The following ST6GALNAC5 variants were observed in gnomAD, a reference collection of about 807,000 sequenced individuals.
ST6GALNAC5 encodes the protein ST6 N-acetylgalactosaminide alpha-2,6-sialyltransferase 5.
In ST6GALNAC5, 27 loss-of-function variants were observed where a neutral mutation model predicts 33.6. The ratio of observed to expected loss-of-function variants is 0.80; its 90% CI spans 0.59 to 1.11. The LOEUF is 1.11. ST6GALNAC5 is among the 50% of genes least tolerant of loss of function. The probability of loss-of-function intolerance (pLI) is 0.00; values close to 1 mark genes in which losing one functional copy is unlikely to be tolerated. For missense variants in ST6GALNAC5, 428 were observed against 454.0 expected, an observed-to-expected ratio of 0.94 and a Z score of 0.52; for synonymous variants, 194 against 171.2, an observed-to-expected ratio of 1.13 and a Z score of -1.04.
chr1:76,941,842 A>G (rs1173383845), intron 2 of ST6GALNAC5, among the ~76,000 whole-genome samples: 1 of 152,120 alleles, frequency 6.6e-6, no homozygotes, highest in African/African-American at 2.4e-5. Context: ...CCCTCGTCTT[A>G]AGCCACCAGG....
chr1:76,912,943 G>C (rs1179079603), intron 2 of ST6GALNAC5, among the ~76,000 whole-genome samples: 1 of 151,394 alleles, frequency 6.6e-6, no homozygotes, highest in African/African-American at 2.4e-5. Context: ...TGTTATGTGT[G>C]AATTTGATCC....
intron 2 of ST6GALNAC5, among the ~76,000 whole-genome samples, chr1:77,043,637 G>A (rs752264868): frequency 7.9e-5 from 12 of 152,204 alleles, no homozygotes; most frequent in Non-Finnish European, 1.3e-4. Context: ...CTTAGATGAT[G>A]TGTATTTGGT....
rs1651927707 is a variant in ST6GALNAC5 at position 77,044,255 on chromosome 1, C to T, written c.313C>T (p.Leu105=). 2 of 1,613,812 alleles carry T rather than the reference C, an allele frequency of 1.2e-6. No homozygotes were observed. Among genetic ancestry groups the T allele is most frequent in the Non-Finnish European group, 1.7e-6 (2 of 1,179,942 alleles). ...DCALVTSSGH[L]LHSRQGSQID... is the part of the protein sequence containing the mutation. The stretch of plus-strand genomic sequence containing the variant: ...TGCCCTGGTGACCAGCTCAGGGCAT[C>T]TGCTGCACAGTCGGCAAGGCTCCCA... Residue 105 remains leucine, a synonymous_variant, in exon 3 of 5, where the codon CTG becomes TTG. Coordinates refer to ENST00000477717, the MANE Select transcript of ST6GALNAC5 (RefSeq NM_030965.3).
intron 2 of ST6GALNAC5, among the ~76,000 whole-genome samples, chr1:76,916,362 C>G (rs1465821356): frequency 6.6e-6 from 1 of 152,120 alleles, no homozygotes; most frequent in African/African-American, 2.4e-5. Context: ...TTCTTGTTTT[C>G]TCTTTAATTC....
intron 2 of ST6GALNAC5, among the ~76,000 whole-genome samples, chr1:76,967,920 A>G (rs1180021351): frequency 2.0e-5 from 3 of 152,134 alleles, no homozygotes; most frequent in African/African-American, 7.2e-5. Flanking sequence ...CCTGAGTTCT[A>G]ATTTGGTTGC....
At chr1:76,927,161 A>G (rs911887077) in intron 2 of ST6GALNAC5, among the ~76,000 whole-genome samples, 9 of 152,102 alleles carry the variant, frequency 5.9e-5, no homozygotes, top group Non-Finnish European at 1.3e-4. Flanking sequence ...TATATATTTT[A>G]ACACCTTCAA....
chr1:76,990,862 G>C (rs1318301367), intron 2 of ST6GALNAC5, among the ~76,000 whole-genome samples: 2 of 152,158 alleles, frequency 1.3e-5, no homozygotes, highest in African/African-American at 4.8e-5. Flanking sequence ...GCAGTAGTTG[G>C]GGATTTATTA....
chr1:76,959,546 G>C (rs1648146055), intron 2 of ST6GALNAC5, among the ~76,000 whole-genome samples: 1 of 152,224 alleles, frequency 6.6e-6, no homozygotes, highest in Non-Finnish European at 1.5e-5. Context: ...CTTTGGCCTT[G>C]TGCAAATGTG....
chr1:76,966,024 T>A (rs965879781), intron 2 of ST6GALNAC5, among the ~76,000 whole-genome samples: 15 of 152,350 alleles, frequency 9.8e-5, no homozygotes, highest in Admixed American at 7.8e-4. Context: ...GTAGTAGAGT[T>A]TGAAGTCAGG....
intron 2 of ST6GALNAC5, among the ~76,000 whole-genome samples, chr1:77,014,542 A>C (rs1220831674): frequency 1.3e-5 from 2 of 152,240 alleles, no homozygotes; most frequent in East Asian, 3.8e-4. Flanking sequence ...CCACCCTCTC[A>C]GAAGATGCAA....
intron 2 of ST6GALNAC5, among the ~76,000 whole-genome samples, chr1:76,875,087 A>G (rs1653606360): frequency 6.6e-6 from 1 of 152,260 alleles, no homozygotes; most frequent in Non-Finnish European, 1.5e-5. Context: ...ACAAGTGTAT[A>G]CATGCACAAA....
At chr1:76,873,922 C>T (rs901851942) in intron 2 of ST6GALNAC5, among the ~76,000 whole-genome samples, 4 of 152,122 alleles carry the variant, frequency 2.6e-5, no homozygotes, top group Non-Finnish European at 4.4e-5. Flanking sequence ...AGAACACAAT[C>T]CCTACCCTCA....
intron 2 of ST6GALNAC5, among the ~76,000 whole-genome samples, chr1:77,014,721 C>T (rs998430218): frequency 3.9e-5 from 6 of 152,112 alleles, no homozygotes; most frequent in African/African-American, 1.2e-4. Context: ...GCCAACTGGC[C>T]TTTTTTCTTG....
chr1:76,889,014 T>C (rs563371561), intron 2 of ST6GALNAC5, among the ~76,000 whole-genome samples: 40 of 152,106 alleles, frequency 2.6e-4, no homozygotes, highest in Non-Finnish European at 5.1e-4. Flanking sequence ...CTTGAATTTA[T>C]TCCTCCTGTC....
chr1:76,984,555 G>T (rs973687061), intron 2 of ST6GALNAC5, among the ~76,000 whole-genome samples: 1 of 152,118 alleles, frequency 6.6e-6, no homozygotes, highest in Non-Finnish European at 1.5e-5. Flanking sequence ...TCCAGGACCA[G>T]AAGGATTCAC....
chr1:76,954,310 T>C (rs989739112), intron 2 of ST6GALNAC5, among the ~76,000 whole-genome samples: 1 of 152,080 alleles, frequency 6.6e-6, no homozygotes, highest in African/African-American at 2.4e-5. Flanking sequence ...TCCTCACTTA[T>C]AAGTGGGAGC....
At chr1:76,930,590 T>C (rs1161163181) in intron 2 of ST6GALNAC5, among the ~76,000 whole-genome samples, 3 of 152,124 alleles carry the variant, frequency 2.0e-5, no homozygotes, top group Non-Finnish European at 4.4e-5. Flanking sequence ...CTAGTAGGCT[T>C]TTTGGGAGAA....
At chr1:76,934,343 G>A (rs1214675423) in intron 2 of ST6GALNAC5, among the ~76,000 whole-genome samples, 1 of 152,048 alleles carries the variant, frequency 6.6e-6, no homozygotes, top group Non-Finnish European at 1.5e-5. Context: ...GAAAGGCTGT[G>A]TTTCAGAGGG....
chr1:76,980,171 C>T (rs930680669), intron 2 of ST6GALNAC5, among the ~76,000 whole-genome samples: 6 of 151,588 alleles, frequency 4.0e-5, no homozygotes, highest in African/African-American at 1.2e-4. Context: ...TTCCATAAGT[C>T]CTGCTTTAAT....
Sources: gnomAD v4.1 joint callset for allele counts (sites outside exome capture counted in the v4.1 genomes callset) on GRCh38, gnomAD v4.1.1 for gene constraint, MANE v1.5 for transcripts, NCBI Gene and HGNC (gene_info 2026-07-23, HGNC 2026-07-21) for gene names.